Variants in PSMA8 observed in about 807,000 individuals in gnomAD.
The protein encoded by PSMA8 is proteasome subunit alpha-type 8.
A neutral mutation model predicts 32.4 loss-of-function variants in PSMA8; 18 were observed. The observed-to-expected ratio is 0.56, with a 90% CI of 0.38 to 0.82. PSMA8 has a LOEUF of 0.82. PSMA8 is among the 40% of genes least tolerant of loss of function. The pLI, the probability that PSMA8 is intolerant of heterozygous loss-of-function variation, is 0.00. For synonymous variants in PSMA8, 104 were observed against 98.1 expected (o/e 1.06, Z -0.36); for missense variants, 298 against 300.7 (o/e 0.99, Z 0.07).
intron 6 of PSMA8, 38 bp downstream of exon 6, chr18:26,179,168 A>G (rs1426773403): frequency 3.9e-6 from 6 of 1,533,310 alleles, no homozygotes; most frequent in East Asian, 2.3e-5. Context: ...TATCTGTAGT[A>G]TAAAGTATTT....
intron 1 of PSMA8, among the ~76,000 whole-genome samples, chr18:26,141,587 G>A (rs1309195028): frequency 1.3e-5 from 2 of 152,066 alleles, no homozygotes; most frequent in East Asian, 3.8e-4. Flanking sequence ...AGGATAGGGA[G>A]GGAGGATGGC....
At chr18:26,150,522 A>G (rs1320379573) in intron 2 of PSMA8, among the ~76,000 whole-genome samples, 2 of 152,066 alleles carry the variant, frequency 1.3e-5, no homozygotes, top group South Asian at 4.2e-4. Flanking sequence ...ATTTTTTTGT[A>G]GAAACCGGGG....
chr18:26,138,300 A>G (rs2144266683), intron 1 of PSMA8, among the ~76,000 whole-genome samples: 1 of 152,330 alleles, frequency 6.6e-6, no homozygotes, highest in East Asian at 1.9e-4. Context: ...AAATCTAGCC[A>G]ATGATAAGTT....
chr18:26,153,242 T>C (rs2055060771), intron 3 of PSMA8, among the ~76,000 whole-genome samples: 1 of 152,192 alleles, frequency 6.6e-6, no homozygotes, highest in South Asian at 2.1e-4. Context: ...GTTCCTGGTT[T>C]CTTTCATTTT....
intron 2 of PSMA8, 44 bp downstream of exon 2, chr18:26,144,729 G>A: frequency 6.3e-7 from 1 of 1,598,032 alleles, no homozygotes; most frequent in African/African-American, 1.3e-5. Flanking sequence ...TCTTACTGTA[G>A]TAGGGCAACA....
At chr18:26,134,369 G>T (rs375646235) in intron 1 of PSMA8, among the ~76,000 whole-genome samples, 2,158 of 129,554 alleles carry the variant, frequency 0.017, 61 homozygotes, top group African/African-American at 0.083. Context: ...GTGTGTCTCT[G>T]TGTGTGTGTG....
intron 6 of PSMA8, among the ~76,000 whole-genome samples, chr18:26,183,031 G>T (rs1013148650): frequency 6.6e-6 from 1 of 150,472 alleles, no homozygotes; most frequent in Non-Finnish European, 1.5e-5. Context: ...GTTGGAGGTT[G>T]CAATGAGCCA....
At chr18:26,143,674 T>C (rs1255884884) in intron 1 of PSMA8, among the ~76,000 whole-genome samples, 1 of 152,158 alleles carries the variant, frequency 6.6e-6, no homozygotes, top group Non-Finnish European at 1.5e-5. Flanking sequence ...ACCACCACTA[T>C]GACTGCTGTC....
intron 3 of PSMA8, among the ~76,000 whole-genome samples, chr18:26,153,818 G>T (rs768445634): frequency 1.3e-5 from 2 of 151,950 alleles, no homozygotes; most frequent in Non-Finnish European, 2.9e-5. Flanking sequence ...TCGTTGGCTC[G>T]CATTATAGAG....
At chr18:26,182,361 A>G (rs952834781) in intron 6 of PSMA8, among the ~76,000 whole-genome samples, 1 of 152,244 alleles carries the variant, frequency 6.6e-6, no homozygotes, top group Non-Finnish European at 1.5e-5. Flanking sequence ...CCTGGCTTCA[A>G]GGGACGGACT....
At chr18:26,184,608 A>C (rs1404400900) in intron 6 of PSMA8, among the ~76,000 whole-genome samples, 1 of 148,628 alleles carries the variant, frequency 6.7e-6, no homozygotes, top group Non-Finnish European at 1.5e-5. Flanking sequence ...CCCCATCTCC[A>C]CTAAAAATAT....
intron 6 of PSMA8, among the ~76,000 whole-genome samples, chr18:26,189,443 G>A (rs1283397733): frequency 6.6e-6 from 1 of 152,082 alleles, no homozygotes; most frequent in Non-Finnish European, 1.5e-5. Context: ...TGAGGTGGGA[G>A]GATCACTTGA....
intron 4 of PSMA8, among the ~76,000 whole-genome samples, chr18:26,158,691 G>A (rs1177722373): frequency 2.0e-5 from 3 of 152,288 alleles, no homozygotes; most frequent in African/African-American, 2.4e-5. Flanking sequence ...GTGCTAGTAC[G>A]TAGCAATGAT....
At chr18:26,154,241 T>C (rs1463167157) in intron 3 of PSMA8, among the ~76,000 whole-genome samples, 1 of 152,226 alleles carries the variant, frequency 6.6e-6, no homozygotes, top group East Asian at 1.9e-4. Flanking sequence ...TTTAATAAAC[T>C]AATTATGTAT....
At chr18:26,170,570 G>C (rs1261279728) in intron 4 of PSMA8, among the ~76,000 whole-genome samples, 1 of 129,462 alleles carries the variant, frequency 7.7e-6, no homozygotes, top group Middle Eastern at 3.5e-3. Flanking sequence ...TCTCATAAAT[G>C]GTATCTGATA....
intron 4 of PSMA8, among the ~76,000 whole-genome samples, chr18:26,162,595 G>C (rs140889092): frequency 6.6e-6 from 1 of 152,188 alleles, no homozygotes; most frequent in East Asian, 1.9e-4. Flanking sequence ...GCTGGGCGCG[G>C]TGTCTCATGC....
At chr18:26,134,367 C>CTGTGTGTGTGTGTGTGTCTCTGTG in intron 1 of PSMA8, among the ~76,000 whole-genome samples, 1 of 131,910 alleles carries the variant, frequency 7.6e-6, no homozygotes, top group African/African-American at 3.5e-5. Context: ...GTGTGTGTCT[C>CTGTGTGTGTGTGTGTGTCTCTGTG]TGTGTGTGTG....
At chr18:26,152,429 A>G (rs139295827) in intron 3 of PSMA8, among the ~76,000 whole-genome samples, 24 of 152,112 alleles carry the variant, frequency 1.6e-4, no homozygotes, top group African/African-American at 5.1e-4. Context: ...GGCTCAAGCA[A>G]TCCTCCCACC....
intron 3 of PSMA8, among the ~76,000 whole-genome samples, chr18:26,156,340 C>T (rs2055088745): frequency 6.6e-6 from 1 of 152,106 alleles, no homozygotes; most frequent in South Asian, 2.1e-4. Context: ...TCAGTATATC[C>T]AAGAGATGTA....
Sources: allele counts gnomAD v4.1 joint callset (sites outside exome capture counted in the v4.1 genomes callset), GRCh38; gene constraint gnomAD v4.1.1; transcripts MANE v1.5; gene names NCBI Gene and HGNC (gene_info 2026-07-23, HGNC 2026-07-21).